SLC30A9: variants seen among roughly 807,000 people sequenced by gnomAD.
SLC30A9 encodes the protein proton-coupled zinc antiporter SLC30A9, mitochondrial.
SLC30A9 carries 58 observed loss-of-function variants against 87.5 expected under a neutral mutation model. The ratio of observed to expected loss-of-function variants is 0.66; its 90% CI spans 0.54 to 0.82. The LOEUF is 0.82. Among genes scored for constraint, SLC30A9 ranks in the 40% least tolerant of loss-of-function variants. The probability of loss-of-function intolerance (pLI) is 0.00; values close to 1 mark genes in which losing one functional copy is unlikely to be tolerated. For missense variants in SLC30A9, 557 were observed against 679.1 expected, an observed-to-expected ratio of 0.82 and a Z score of 2.00; for synonymous variants, 234 against 233.0, an observed-to-expected ratio of 1.00 and a Z score of -0.04.
chr4:42,035,125 A>G, intron 6 of SLC30A9, 150 bp from the exon 7 acceptor site: 2 of 638,504 alleles, frequency 3.1e-6, no homozygotes, highest in Non-Finnish European at 2.5e-6. Context: ...TTTTTTAATC[A>G]GTTTACAAAT....
intron 15 of SLC30A9, among the ~76,000 whole-genome samples, chr4:42,071,154 T>C (rs1718293996): frequency 6.6e-6 from 1 of 152,106 alleles, no homozygotes; most frequent in African/African-American, 2.4e-5. Context: ...TTTCTTATAA[T>C]CTTTATCTTT....
At chr4:41,995,910 A>G (rs1714678611) in intron 1 of SLC30A9, among the ~76,000 whole-genome samples, 2 of 152,116 alleles carry the variant, frequency 1.3e-5, no homozygotes, top group Admixed American at 6.5e-5. Context: ...GGGTTTCACC[A>G]TGTTATCCAG....
intron 1 of SLC30A9, among the ~76,000 whole-genome samples, chr4:41,992,348 AAAAAG>A (rs1421189826): frequency 3.3e-5 from 5 of 152,086 alleles, no homozygotes; most frequent in South Asian, 2.1e-4. Flanking sequence ...TCAAAAAAAA[AAAAAG>A]AAAAGAAAAA....
intron 8 of SLC30A9, among the ~76,000 whole-genome samples, chr4:42,045,581 A>C (rs1421541533): frequency 1.2e-5 from 1 of 84,094 alleles, no homozygotes; most frequent in Non-Finnish European, 3.2e-5. Flanking sequence ...ATAGCCTATC[A>C]ACTAAAAAAA....
intron 9 of SLC30A9, among the ~76,000 whole-genome samples, chr4:42,055,835 A>G (rs1166937593): frequency 1.3e-5 from 2 of 152,220 alleles, no homozygotes; most frequent in Non-Finnish European, 2.9e-5. Flanking sequence ...GGATAGTATG[A>G]TACTTAAGGA....
chr4:42,069,413 A>G (rs1314561987), intron 14 of SLC30A9, among the ~76,000 whole-genome samples: 1 of 152,186 alleles, frequency 6.6e-6, no homozygotes, highest in Non-Finnish European at 1.5e-5. Context: ...ACATGAATGT[A>G]TATATTTAAA....
At chr4:41,997,175 T>G (rs533519602) in intron 1 of SLC30A9, among the ~76,000 whole-genome samples, 19 of 151,832 alleles carry the variant, frequency 1.3e-4, no homozygotes, top group African/African-American at 4.3e-4. Flanking sequence ...AAAAAAAGAT[T>G]CTCTGTTTTT....
chr4:42,053,928 A>C (rs2153138978), intron 9 of SLC30A9, among the ~76,000 whole-genome samples: 1 of 152,266 alleles, frequency 6.6e-6, no homozygotes, highest in African/African-American at 2.4e-5. Flanking sequence ...AGTTTAAAAA[A>C]ATTGGGAAAA....
At chr4:42,059,034 G>A (rs1717740487) in intron 9 of SLC30A9, among the ~76,000 whole-genome samples, 2 of 152,050 alleles carry the variant, frequency 1.3e-5, no homozygotes, top group Admixed American at 1.3e-4. Context: ...ATTTAGGGTA[G>A]GGTTTCCAAT....
intron 1 of SLC30A9, among the ~76,000 whole-genome samples, chr4:41,992,256 G>A (rs1426987997): frequency 1.3e-5 from 2 of 151,750 alleles, no homozygotes; most frequent in East Asian, 3.9e-4. Flanking sequence ...TGGGAGGATC[G>A]CTTGAGCCCA....
chr4:42,067,406 G>C (rs902073284), intron 14 of SLC30A9, among the ~76,000 whole-genome samples: 5 of 152,112 alleles, frequency 3.3e-5, no homozygotes, highest in Non-Finnish European at 7.4e-5. Context: ...AATAAGGAAG[G>C]CTATTTGTAA....
intron 9 of SLC30A9, among the ~76,000 whole-genome samples, chr4:42,050,886 T>C (rs999801694): frequency 1.2e-4 from 19 of 152,064 alleles, no homozygotes; most frequent in African/African-American, 4.6e-4. Context: ...AAGACAGAAA[T>C]CAGTGTTCAG....
In SLC30A9 at chr4:42,087,492, G is replaced by T. The variant is rs1188483599; in HGVS notation, c.*1366G>T. ...TGAATTATTGCAAATTGTAATGCTGGAAACAAAAAATAAATCCTTGGTTAA... is the reference window on the plus strand; with the variant it reads ...TGAATTATTGCAAATTGTAATGCTGTAAACAAAAAATAAATCCTTGGTTAA... On this transcript the variant is annotated 3_prime_UTR_variant, in exon 18 of 18. Transcript: ENST00000264451. 1 of 151,738 alleles carries T rather than the reference G, an allele frequency of 6.6e-6. No individual in the cohort carries two copies. Among genetic ancestry groups the T allele is most frequent in the African/African-American group, 2.4e-5 (1 of 41,330 alleles). 9.4% of individuals were successfully genotyped at this position (151,738 alleles called of 1,614,324 possible). A position where few individuals can be genotyped will look rare whatever the true frequency, so the allele number is the denominator to read the frequency against.
At position 41,990,608 on chromosome 4, in the gene SLC30A9, G is replaced by A; in HGVS notation, c.-44G>A. ...GTCAGTTGGTACCGGTGGCGGCGCGGAGGCAGAAGGCGGTGTCCGAGTAGG... is the reference window on the plus strand; with the variant it reads ...GTCAGTTGGTACCGGTGGCGGCGCGAAGGCAGAAGGCGGTGTCCGAGTAGG... On this transcript the variant is annotated 5_prime_UTR_variant, in exon 1 of 18. Transcript: ENST00000264451. The A allele has an allele frequency of 8.0e-7, 1 of 1,243,284 alleles. No homozygotes were observed. The highest frequency in any genetic ancestry group is 1.2e-6 in the Non-Finnish European group (1 of 865,328). The allele number at this position is 1,243,284 out of a possible 1,614,324, so 77.0% of individuals were successfully genotyped here. A position where few individuals can be genotyped will look rare whatever the true frequency, so the allele number is the denominator to read the frequency against.
chr4:42,015,924 C>A (rs1204272774), intron 2 of SLC30A9, among the ~76,000 whole-genome samples: 4 of 151,880 alleles, frequency 2.6e-5, no homozygotes, highest in African/African-American at 9.7e-5. Flanking sequence ...ACAGGCAATA[C>A]AGGAAGGTGG....
intron 1 of SLC30A9, among the ~76,000 whole-genome samples, chr4:41,997,033 CAAAT>C (rs71650957): frequency 0.053 from 7,486 of 140,856 alleles, 255 homozygotes; most frequent in African/African-American, 0.08. Context: ...GACTCCATCT[CAAAT>C]AAATAAATAA....
intron 2 of SLC30A9, among the ~76,000 whole-genome samples, chr4:42,016,848 C>A (rs926222948): frequency 1.3e-5 from 2 of 151,998 alleles, no homozygotes; most frequent in Non-Finnish European, 2.9e-5. Context: ...TGCTAATGGG[C>A]ATTTGGGTTG....
chr4:42,085,945 T>G lies in SLC30A9; in HGVS notation c.1663-137T>G, dbSNP rs143070859. ...CCTATTGATCTTACTTTTTTTCTTA[T>G]GCAACTATTTCTCTCATTAGTATGC... On this transcript the variant is annotated intron_variant, in intron 17 of 17. Coordinates refer to ENST00000264451, the MANE Select transcript of SLC30A9 (RefSeq NM_006345.4). 1,943 of 277,946 alleles carry G rather than the reference T, an allele frequency of 7.0e-3. 347 individuals carry two copies. Among genetic ancestry groups the G allele is most frequent in the Non-Finnish European group, 7.7e-3 (1,133 of 146,382 alleles). The allele number at this position is 277,946 out of a possible 1,614,324, so 17.2% of individuals were successfully genotyped here. A position where few individuals can be genotyped will look rare whatever the true frequency, so the allele number is the denominator to read the frequency against.
At chr4:42,073,655 TACTC>T (rs1718406169) in intron 15 of SLC30A9, among the ~76,000 whole-genome samples, 1 of 152,186 alleles carries the variant, frequency 6.6e-6, no homozygotes, top group African/African-American at 2.4e-5. Flanking sequence ...CTTCTAACCT[TACTC>T]ACATGATTGT....
Sources: gnomAD v4.1 joint callset for allele counts (sites outside exome capture counted in the v4.1 genomes callset) on GRCh38, gnomAD v4.1.1 for gene constraint, MANE v1.5 for transcripts, NCBI Gene and HGNC (gene_info 2026-07-23, HGNC 2026-07-21) for gene names.